DENND4C: variants seen among roughly 807,000 people sequenced by gnomAD.
The protein encoded by DENND4C is DENN domain-containing protein 4C.
A neutral mutation model predicts 203.0 loss-of-function variants in DENND4C; 108 were observed. That is an observed-to-expected ratio of 0.53 (90% CI 0.46 to 0.62). The LOEUF is 0.62. DENND4C is among the 20% of genes least tolerant of loss of function. The pLI is 0.00. For synonymous variants in DENND4C, 871 were observed against 792.4 expected (o/e 1.10, Z -1.67); for missense variants, 2,481 against 2,301.2 (o/e 1.08, Z -1.60).
At chr9:19,230,681 C>CGGCGCA (rs903089967), upstream of DENND4C, 1 of 152,150 alleles carries the variant, frequency 6.6e-6, no homozygotes, top group Non-Finnish European at 1.5e-5. Context: ...GCCCGCGAGG[C>CGGCGCA]GGCGCAGGCG....
chr9:19,361,354 G>A (rs1826456385), intron 29 of DENND4C, among the ~76,000 whole-genome samples: 1 of 152,186 alleles, frequency 6.6e-6, no homozygotes, highest in Non-Finnish European at 1.5e-5. Flanking sequence ...TGACTTAAAA[G>A]CCCCAACTCT....
At position 19,276,252 on chromosome 9, in the gene DENND4C, T is replaced by C; in HGVS notation, c.78T>C (p.Asp26=). Residue 26 remains aspartate, a synonymous_variant, in exon 2 of 33, where the codon GAT becomes GAC. Transcript: ENST00000434457. ...TCACTGACACATCTACTCTTTTGGA[T>C]CAAGAAATAAATCGTTTAGATACTA... ...AGLTDTSTLL[D]QEINRLDTKS... is the part of the protein sequence containing the mutation. 8.1e-7 allele frequency: 1 copy of C among 1,232,044 alleles called. No homozygotes were observed. The highest frequency in any genetic ancestry group is 1.0e-6 in the Non-Finnish European group (1 of 987,916). 76.3% of individuals were successfully genotyped at this position (1,232,044 alleles called of 1,614,324 possible).
At chr9:19,320,441 T>G (rs1842693327) in intron 12 of DENND4C, among the ~76,000 whole-genome samples, 1 of 152,156 alleles carries the variant, frequency 6.6e-6, no homozygotes, top group African/African-American at 2.4e-5. Flanking sequence ...TCAGGTGATC[T>G]GCCTGCCTCG....
intron 9 of DENND4C, among the ~76,000 whole-genome samples, chr9:19,301,546 C>T (rs188875994): frequency 1.1e-4 from 16 of 152,318 alleles, no homozygotes; most frequent in African/African-American, 3.8e-4. Context: ...GGAGGATCCT[C>T]ATTAAGTATT....
chr9:19,293,274 C>A, intron 5 of DENND4C, among the ~76,000 whole-genome samples: 1 of 152,092 alleles, frequency 6.6e-6, no homozygotes, highest in East Asian at 1.9e-4. Context: ...AACATGTAAG[C>A]ATTGAGGTGT....
intron 29 of DENND4C, among the ~76,000 whole-genome samples, chr9:19,361,374 G>C (rs1826462360): frequency 6.6e-6 from 1 of 152,122 alleles, no homozygotes; most frequent in Non-Finnish European, 1.5e-5. Flanking sequence ...TACTTATACT[G>C]GGATCCTGAT....
chr9:19,309,311 A>G (rs1470930716), intron 10 of DENND4C, among the ~76,000 whole-genome samples: 3 of 151,932 alleles, frequency 2.0e-5, no homozygotes, highest in Non-Finnish European at 4.4e-5. Context: ...AATCCCAGCT[A>G]TCCGGGAGGC....
rs138440750 is a variant in DENND4C at position 19,346,337 on chromosome 9, C to T, written c.3568C>T (p.Pro1190Ser). The T allele has an allele frequency of 3.3e-5, 53 of 1,614,122 alleles. No individual in the cohort carries two copies. The East Asian group carries it at 9.6e-4, about 29-fold the overall frequency. The change falls in exon 23 of 33, where the codon CCT becomes TCT. Residue 1190 changes from proline to serine, a missense_variant. Transcript: ENST00000434457. ...MLEESQELLEPVVDDVPKTTA... is the reference protein window; with the variant it reads ...MLEESQELLESVVDDVPKTTA... ...TGAGGAAAGCCAAGAACTCCTTGAG[C>T]CTGTGGTTGATGACGTACCTAAAAC...
chr9:19,263,567 C>A (rs1829856826), intron 1 of DENND4C, among the ~76,000 whole-genome samples: 5 of 151,632 alleles, frequency 3.3e-5, no homozygotes, highest in Admixed American at 3.3e-4. Flanking sequence ...CCCTGTTGGC[C>A]AAGCTGGTCT....
At chr9:19,304,846 G>C (rs1303861050) in intron 9 of DENND4C, among the ~76,000 whole-genome samples, 1 of 151,622 alleles carries the variant, frequency 6.6e-6, no homozygotes, top group Admixed American at 6.6e-5. Context: ...ACCGCGCCCG[G>C]CCATGAATTT....
At chr9:19,279,157 C>T (rs1400772890) in intron 2 of DENND4C, among the ~76,000 whole-genome samples, 1 of 101,924 alleles carries the variant, frequency 9.8e-6, no homozygotes, top group Non-Finnish European at 2.1e-5. Context: ...GATGAAACCC[C>T]ATCTCTACTA....
chr9:19,299,732 C>A (rs933640049), intron 8 of DENND4C, among the ~76,000 whole-genome samples: 4 of 152,176 alleles, frequency 2.6e-5, no homozygotes, highest in African/African-American at 9.7e-5. Context: ...TCTTTATCCA[C>A]CCTGTAGCCA....
chr9:19,238,098 T>C (rs1216192148), intron 1 of DENND4C, among the ~76,000 whole-genome samples: 1 of 151,476 alleles, frequency 6.6e-6, no homozygotes, highest in Non-Finnish European at 1.5e-5. Flanking sequence ...TTTTTTTTTT[T>C]TGAGATAGAG....
rs1325070862 is a variant in DENND4C at position 19,373,997 on chromosome 9, ACTGT to A, written c.*1828_*1831del. On this transcript the variant is annotated 3_prime_UTR_variant, in exon 33 of 33. Coordinates refer to ENST00000434457, the MANE Select transcript of DENND4C (RefSeq NM_001330640.2). ...ATTACCTTCAAAATGGATCTTTTGC[ACTGT>A]CTGAGAGTATATATTTTTGCAACTC... Among the ~76,000 whole-genome samples the A allele has an allele frequency of 1.5e-4, 23 of 152,304 alleles. No individual in the cohort carries two copies. The highest frequency in any genetic ancestry group is 3.1e-4 in the African/African-American group (13 of 41,572).
chr9:19,310,259 A>G (rs2131451138), intron 10 of DENND4C, among the ~76,000 whole-genome samples: 1 of 152,318 alleles, frequency 6.6e-6, no homozygotes, highest in East Asian at 1.9e-4. Flanking sequence ...TTCTCCAGCT[A>G]GGATCGCTAG....
chr9:19,324,274 G>T, intron 12 of DENND4C, 88 bp from the exon 13 acceptor site: 1 of 954,884 alleles, frequency 1.0e-6, no homozygotes, highest in Non-Finnish European at 1.5e-6. Context: ...TAAAGAGAAT[G>T]TAATATAGAT....
Position 19,356,982 on chromosome 9 carries a change from A to T in DENND4C, c.4792A>T (p.Lys1598Ter). 2 of 1,613,364 alleles carry T rather than the reference A, an allele frequency of 1.2e-6. No individual in the cohort carries two copies. Among genetic ancestry groups the T allele is most frequent in the Non-Finnish European group, 1.7e-6 (2 of 1,179,704 alleles). ...CTTTTCCTTATGTAGCTTTTTCCTG[A>T]AACCAAGTACCTCTGGTGACAGTTT... ...DLRGSASFFL[K>*]PSTSGDSLQS... Residue 1598 changes from lysine (K) to a stop codon, truncating the protein, a stop_gained, in exon 27 of 33, where the codon AAA becomes TAA. Coordinates refer to ENST00000434457, the MANE Select transcript of DENND4C (RefSeq NM_001330640.2). LOFTEE classifies it high-confidence loss of function.
At chr9:19,241,755 C>T (rs772973545) in intron 1 of DENND4C, among the ~76,000 whole-genome samples, 27 of 151,972 alleles carry the variant, frequency 1.8e-4, no homozygotes, top group African/African-American at 6.0e-4. Context: ...CGGTGACTCT[C>T]GCCTGTAATC....
intron 4 of DENND4C, 25 bp downstream of exon 4, chr9:19,288,690 T>G (rs1835686279): frequency 8.4e-7 from 1 of 1,197,190 alleles, no homozygotes; most frequent in Admixed American, 4.2e-5. Context: ...AAAAATTGTC[T>G]CAATTGCTAT....
Sources: gnomAD v4.1 joint callset for allele counts (sites outside exome capture counted in the v4.1 genomes callset) on GRCh38, gnomAD v4.1.1 for gene constraint, MANE v1.5 for transcripts, NCBI Gene and HGNC (gene_info 2026-07-23, HGNC 2026-07-21) for gene names.